Variants in NANS observed in about 807,000 individuals in gnomAD.
The protein encoded by NANS is N-acetylneuraminate synthase.
A neutral mutation model predicts 33.3 loss-of-function variants in NANS; 29 were observed. The ratio of observed to expected loss-of-function variants is 0.87; its 90% confidence interval spans 0.65 to 1.19. The LOEUF (loss-of-function observed/expected upper bound fraction) is 1.19, where lower values mean the gene tolerates loss of function less well. Ranked by LOEUF, NANS falls within the 50% of genes most tolerant of loss-of-function variation. NANS has a pLI of 0.00. For synonymous variants in NANS, 163 were observed against 177.2 expected (o/e 0.92, Z 0.64); for missense variants, 394 against 461.1 (o/e 0.85, Z 1.33).
intron 2 of NANS, among the ~76,000 whole-genome samples, chr9:98,073,257 C>G (rs965569531): frequency 6.8e-6 from 1 of 147,912 alleles, no homozygotes; most frequent in Non-Finnish European, 1.5e-5. Flanking sequence ...TTCTCCCCAG[C>G]TCATCACCAT....
At chr9:98,064,218 T>G (rs1249977890) in intron 2 of NANS, among the ~76,000 whole-genome samples, 1 of 152,182 alleles carries the variant, frequency 6.6e-6, no homozygotes, top group Non-Finnish European at 1.5e-5. Context: ...CGCATGACAT[T>G]CTTCAAATGC....
At chr9:98,082,751 TG>T in intron 5 of NANS, 94 bp from the exon 6 acceptor site, 1 of 1,205,568 alleles carries the variant, frequency 8.3e-7, no homozygotes, top group Non-Finnish European at 1.2e-6. Context: ...AGGTACTGCC[TG>T]GGGAAGACTG....
chr9:98,057,531 T>C (rs1434291278), intron 1 of NANS, among the ~76,000 whole-genome samples: 4 of 152,208 alleles, frequency 2.6e-5, no homozygotes, highest in Non-Finnish European at 5.9e-5. Flanking sequence ...GTGAACCCTT[T>C]TCCCCATTTG....
chr9:98,083,037 C>CA lies in NANS; in HGVS notation c.1069dup (p.Ile357AsnfsTer?), dbSNP rs34624194. ...TGGAAGAATTGGTAGATAATCATGG[C>CA]AAAAAAATCAAGTCTTAAAAATAAA... On this transcript the variant is annotated frameshift_variant, in exon 6 of 6. Coordinates refer to ENST00000210444, the MANE Select transcript of NANS (RefSeq NM_018946.4). LOFTEE classifies it high-confidence loss of function. 2 of 1,613,224 alleles carry CA rather than the reference C, an allele frequency of 1.2e-6. No individual in the cohort carries two copies. Among genetic ancestry groups the CA allele is most frequent in the South Asian group, 1.1e-5 (1 of 90,976 alleles).
chr9:98,062,967 C>T (rs1231228029), intron 2 of NANS, among the ~76,000 whole-genome samples: 1 of 151,884 alleles, frequency 6.6e-6, no homozygotes, highest in Admixed American at 6.6e-5. Context: ...GATGGAGTCT[C>T]ACTCTGTCAC....
intron 4 of NANS, among the ~76,000 whole-genome samples, chr9:98,079,403 T>C (rs1226739405): frequency 6.6e-6 from 1 of 152,244 alleles, no homozygotes; most frequent in Admixed American, 6.5e-5. Context: ...TATTTTCCTT[T>C]CAGTATAGTA....
At chr9:98,080,723 GC>G in intron 4 of NANS, 92 bp from the exon 5 acceptor site, 1 of 1,421,966 alleles carries the variant, frequency 7.0e-7, no homozygotes, top group Non-Finnish European at 9.4e-7. Flanking sequence ...CTAGTGAGTG[GC>G]TAAACCGGGG....
At chr9:98,061,247 G>T in intron 2 of NANS, 2 of 459,304 alleles carry the variant, frequency 4.4e-6, no homozygotes, top group South Asian at 4.9e-5. Context: ...GAGACTGAGG[G>T]GGATGGATCA....
In NANS at chr9:98,070,914, C is replaced by T. The variant is rs138431242; in HGVS notation, c.349-6004C>T. On this transcript the variant is annotated intron_variant, in intron 2 of 5. Transcript: ENST00000210444. ...GCAGCCTTGACGGCCCAGGCTCAAGCGATCCTCCCACCTCAGCCTTCTTAG... is the reference window on the plus strand; with the variant it reads ...GCAGCCTTGACGGCCCAGGCTCAAGTGATCCTCCCACCTCAGCCTTCTTAG... Among the ~76,000 whole-genome samples, 28 of 151,540 alleles carry T rather than the reference C, an allele frequency of 1.8e-4. No individual in the cohort carries two copies. In the East Asian group the frequency reaches 5.0e-3, roughly 27 times the overall value.
At chr9:98,073,946 C>T (rs748168548) in intron 2 of NANS, among the ~76,000 whole-genome samples, 2 of 151,966 alleles carry the variant, frequency 1.3e-5, no homozygotes, top group South Asian at 2.1e-4. Flanking sequence ...ACCACACACC[C>T]GGCTAATTTT....
At chr9:98,064,931 A>G (rs191840525) in intron 2 of NANS, among the ~76,000 whole-genome samples, 1 of 150,508 alleles carries the variant, frequency 6.6e-6, no homozygotes, top group East Asian at 1.9e-4. Context: ...GTGGGGACAG[A>G]TTTTTTTTTT....
chr9:98,079,319 T>C (rs1039064508), intron 4 of NANS, among the ~76,000 whole-genome samples: 1 of 152,214 alleles, frequency 6.6e-6, no homozygotes, highest in Non-Finnish European at 1.5e-5. Context: ...AAAACTATTA[T>C]AGTAACATTA....
intron 2 of NANS, among the ~76,000 whole-genome samples, chr9:98,070,097 TAAGAA>T (rs1177686542): frequency 5.3e-5 from 8 of 152,176 alleles, no homozygotes; most frequent in Non-Finnish European, 1.2e-4. Context: ...AGTTTAAAAT[TAAGAA>T]AAGATTCCTC....
chr9:98,074,364 T>G (rs1019429694), intron 2 of NANS, among the ~76,000 whole-genome samples: 4 of 151,936 alleles, frequency 2.6e-5, no homozygotes, highest in Admixed American at 2.6e-4. Flanking sequence ...GAACCCCAGA[T>G]AGAGGGAACC....
At position 98,082,827 on chromosome 9, in the gene NANS, A is replaced by G. The variant is rs1372897420; in HGVS notation, c.871-19A>G. On this transcript the variant is annotated intron_variant, in intron 5 of 5. Transcript: ENST00000210444. ...GTTACTTCTGTGAAGCTGGCACTGA[A>G]TGTTCATTTTGTCCACAGCTGGGCA... 1.2e-6 allele frequency: 2 copies of G among 1,612,386 alleles called. No individual in the cohort carries two copies. Among genetic ancestry groups the G allele is most frequent in the Non-Finnish European group, 1.7e-6 (2 of 1,178,958 alleles).
At chr9:98,057,094 C>T (rs553093760) in intron 1 of NANS, among the ~76,000 whole-genome samples, 154 bp downstream of exon 1, 1 of 152,250 alleles carries the variant, frequency 6.6e-6, no homozygotes, top group Non-Finnish European at 1.5e-5. Context: ...TCGGATCCCT[C>T]TTCCTCACCG....
At chr9:98,059,185 A>C (rs997035627) in intron 1 of NANS, among the ~76,000 whole-genome samples, 1 of 151,486 alleles carries the variant, frequency 6.6e-6, no homozygotes, top group African/African-American at 2.4e-5. Flanking sequence ...CACCACACCT[A>C]GCTAATTTTT....
chr9:98,079,811 A>G (rs919112483), intron 4 of NANS, among the ~76,000 whole-genome samples: 11 of 152,194 alleles, frequency 7.2e-5, no homozygotes, highest in African/African-American at 2.2e-4. Context: ...GGGCCTGCAC[A>G]TAGTACAGTG....
chr9:98,065,652 T>TTC (rs1554728877), intron 2 of NANS, among the ~76,000 whole-genome samples: 79 of 150,954 alleles, frequency 5.2e-4, no homozygotes, highest in African/African-American at 1.7e-3. Flanking sequence ...TTTTTTTTTT[T>TTC]CCCCCTGGAG....
Sources: gnomAD v4.1 joint callset for allele counts (sites outside exome capture counted in the v4.1 genomes callset) on GRCh38, gnomAD v4.1.1 for gene constraint, MANE v1.5 for transcripts, NCBI Gene and HGNC (gene_info 2026-07-23, HGNC 2026-07-21) for gene names.